Variants in FARS2 observed in about 807,000 individuals in gnomAD.
FARS2 encodes phenylalanyl-tRNA synthetase 2, mitochondrial.
Under a neutral mutation model 46.4 loss-of-function variants are expected in FARS2, and 40 were observed. The observed-to-expected ratio is 0.86, with a 90% CI of 0.67 to 1.12. FARS2 has a LOEUF of 1.12. FARS2 is among the 50% of genes most tolerant of loss of function. The pLI, the probability that FARS2 is intolerant of heterozygous loss-of-function variation, is 0.00. For synonymous variants in FARS2, 234 were observed against 214.9 expected (o/e 1.09, Z -0.78); for missense variants, 513 against 567.9 (o/e 0.90, Z 0.98).
At chr6:5,419,083 G>A (rs939154839) in intron 3 of FARS2, among the ~76,000 whole-genome samples, 15 of 151,866 alleles carry the variant, frequency 9.9e-5, no homozygotes, top group African/African-American at 3.4e-4. Context: ...CTTACTCTCT[G>A]TGTCTTTTTT....
chr6:5,589,949 G>A (rs768228037), intron 5 of FARS2, among the ~76,000 whole-genome samples: 2 of 152,130 alleles, frequency 1.3e-5, no homozygotes, highest in Non-Finnish European at 2.9e-5. Flanking sequence ...GTTTCCATCC[G>A]CAGCCCCACC....
upstream of FARS2, among the ~76,000 whole-genome samples, chr6:5,259,369 C>A (rs548055477): frequency 6.6e-6 from 1 of 152,310 alleles, no homozygotes; most frequent in African/African-American, 2.4e-5. Context: ...CTTATTATTA[C>A]ACTCTTTATT....
chr6:5,294,702 C>A (rs9504375), intron 1 of FARS2, among the ~76,000 whole-genome samples: 8,859 of 152,160 alleles, frequency 0.058, 374 homozygotes, highest in African/African-American at 0.11. Flanking sequence ...AAGGATATTG[C>A]AAAGGATACA....
chr6:5,510,766 CCCTCTTGT>C (rs1226392967), intron 4 of FARS2, among the ~76,000 whole-genome samples: 2 of 152,278 alleles, frequency 1.3e-5, no homozygotes, highest in Non-Finnish European at 2.9e-5. Context: ...CCACCCACCC[CCCTCTTGT>C]CCTCTTGTCC....
At chr6:5,544,343 AT>A (rs1478412762) in intron 4 of FARS2, among the ~76,000 whole-genome samples, 1 of 152,226 alleles carries the variant, frequency 6.6e-6, no homozygotes, top group Non-Finnish European at 1.5e-5. Flanking sequence ...AGGCATGTGC[AT>A]GCGGGGTGGG....
intron 1 of FARS2, among the ~76,000 whole-genome samples, chr6:5,333,773 C>T (rs1208089491): frequency 1.3e-5 from 2 of 152,174 alleles, no homozygotes; most frequent in Non-Finnish European, 2.9e-5. Context: ...AGGTGTTAGA[C>T]CTATAATTTA....
intron 5 of FARS2, among the ~76,000 whole-genome samples, chr6:5,600,062 A>G (rs1774424263): frequency 6.6e-6 from 1 of 152,234 alleles, no homozygotes. Flanking sequence ...GATCTGTTTA[A>G]GTAAAGCATT....
At chr6:5,580,522 C>T (rs559864100) in intron 5 of FARS2, among the ~76,000 whole-genome samples, 4 of 152,238 alleles carry the variant, frequency 2.6e-5, no homozygotes, top group Non-Finnish European at 4.4e-5. Context: ...ACCTAAAGCC[C>T]AGATACCCAC....
chr6:5,736,134 G>A (rs938354601), intron 6 of FARS2, among the ~76,000 whole-genome samples: 42 of 152,160 alleles, frequency 2.8e-4, no homozygotes, highest in African/African-American at 9.2e-4. Flanking sequence ...TCAGTCAGTC[G>A]GCTGTGCCAG....
At chr6:5,575,222 G>T (rs993660805) in intron 5 of FARS2, among the ~76,000 whole-genome samples, 1 of 152,090 alleles carries the variant, frequency 6.6e-6, no homozygotes, top group African/African-American at 2.4e-5. Context: ...GCACTTAATC[G>T]AAATAAAACA....
rs1395751548 is a variant in FARS2, at chr6:5,532,061, A to C, written c.905-13119A>C. ...GCGTGAAAGTCATTTTGGAACGATA[A>C]AACCCAACATTCAGAAGAGAAATCT... is the stretch of plus-strand genomic sequence containing the variant. On this transcript the variant is annotated intron_variant, in intron 4 of 6. Transcript: ENST00000274680. 7.2e-5 allele frequency among the ~76,000 whole-genome samples: 11 copies of C among 152,350 alleles called. No homozygotes were observed. The East Asian group carries it at 2.1e-3, about 29-fold the overall frequency.
intron 4 of FARS2, 97 bp from the exon 5 acceptor site, chr6:5,545,083 G>A: frequency 8.6e-7 from 1 of 1,165,860 alleles, no homozygotes; most frequent in Non-Finnish European, 1.2e-6. Flanking sequence ...CCGCTGGTAG[G>A]CATCTAATTA....
intron 3 of FARS2, among the ~76,000 whole-genome samples, chr6:5,429,035 A>G (rs1382843146): frequency 6.6e-6 from 1 of 152,242 alleles, no homozygotes; most frequent in African/African-American, 2.4e-5. Context: ...AAACTCATCT[A>G]TAGTGGCAGA....
At chr6:5,318,626 G>T (rs1474608188) in intron 1 of FARS2, among the ~76,000 whole-genome samples, 1 of 152,174 alleles carries the variant, frequency 6.6e-6, no homozygotes, top group Admixed American at 6.5e-5. Context: ...TTAAACGAAA[G>T]TACGCTGCAC....
chr6:5,602,218 T>C (rs72817801), intron 5 of FARS2, among the ~76,000 whole-genome samples: 3,703 of 152,296 alleles, frequency 0.024, 60 homozygotes, highest in Non-Finnish European at 0.039. Flanking sequence ...AAAGAAACTT[T>C]ACTGAAATAA....
intron 6 of FARS2, among the ~76,000 whole-genome samples, chr6:5,643,553 A>G (rs1451028289): frequency 6.6e-6 from 1 of 152,230 alleles, no homozygotes; most frequent in Non-Finnish European, 1.5e-5. Flanking sequence ...TGGTATTAGC[A>G]GCCACGTTAA....
At chr6:5,525,194 C>T (rs1769382759) in intron 4 of FARS2, among the ~76,000 whole-genome samples, 1 of 131,818 alleles carries the variant, frequency 7.6e-6, no homozygotes, top group Admixed American at 7.6e-5. Context: ...AAGCAGAGCT[C>T]CCCCCATAAA....
chr6:5,623,990 G>A (rs1775909467), intron 6 of FARS2, among the ~76,000 whole-genome samples: 1 of 152,218 alleles, frequency 6.6e-6, no homozygotes, highest in African/African-American at 2.4e-5. Context: ...GAGCTTGTCA[G>A]AAGTTGTGTC....
chr6:5,293,272 G>C (rs1372209226), intron 1 of FARS2, among the ~76,000 whole-genome samples: 1 of 152,220 alleles, frequency 6.6e-6, no homozygotes, highest in Non-Finnish European at 1.5e-5. Context: ...TTTGTCAAGA[G>C]AGGGGATGCT....
Sources: gnomAD v4.1 joint callset for allele counts (sites outside exome capture counted in the v4.1 genomes callset) on GRCh38, gnomAD v4.1.1 for gene constraint, MANE v1.5 for transcripts, NCBI Gene and HGNC (gene_info 2026-07-23, HGNC 2026-07-21) for gene names.